Variants in NRG1 observed in about 807,000 individuals in gnomAD.
The protein encoded by NRG1 is neuregulin 1.
Under a neutral mutation model 63.8 loss-of-function variants are expected in NRG1, and 18 were observed. The observed-to-expected ratio is 0.28, with a 90% CI of 0.19 to 0.42. NRG1 has a LOEUF of 0.42. Ranked by LOEUF, NRG1 falls within the 10% of genes least tolerant of loss-of-function variation. The probability of loss-of-function intolerance (pLI) is 1.00; values close to 1 mark genes in which losing one functional copy is unlikely to be tolerated. For missense variants in NRG1, 762 were observed against 814.7 expected (o/e 0.94, Z 0.79); for synonymous variants, 302 against 301.3 (o/e 1.00, Z -0.02).
chr8:31,822,379 A>G (rs1824089014), intron 1 of NRG1, among the ~76,000 whole-genome samples: 1 of 152,044 alleles, frequency 6.6e-6, no homozygotes, highest in Non-Finnish European at 1.5e-5. Flanking sequence ...AGAGATGGTT[A>G]TGCTGACACT....
intron 1 of NRG1, among the ~76,000 whole-genome samples, chr8:32,373,053 C>T (rs1409343629): frequency 2.6e-5 from 4 of 151,900 alleles, no homozygotes; most frequent in Non-Finnish European, 4.4e-5. Flanking sequence ...TGACAAGCTG[C>T]GATAAGCCCT....
chr8:32,606,466 A>G (rs555120348), intron 3 of NRG1, among the ~76,000 whole-genome samples: 48 of 152,066 alleles, frequency 3.2e-4, no homozygotes, highest in Non-Finnish European at 6.3e-4. Context: ...GGTAAGAAAT[A>G]CAATCCACCT....
At chr8:31,999,110 C>T (rs1054743338) in intron 1 of NRG1, among the ~76,000 whole-genome samples, 1 of 151,278 alleles carries the variant, frequency 6.6e-6, no homozygotes, top group African/African-American at 2.4e-5. Context: ...AATGCACTGA[C>T]CTTCTGTAAA....
chr8:32,264,767 A>G (rs892418745), intron 1 of NRG1, among the ~76,000 whole-genome samples: 1 of 152,178 alleles, frequency 6.6e-6, no homozygotes, highest in Non-Finnish European at 1.5e-5. Context: ...ATGAATGAGA[A>G]AGAAATTACT....
intron 6 of NRG1, among the ~76,000 whole-genome samples, chr8:32,737,779 C>G (rs960573068): frequency 1.3e-5 from 2 of 149,648 alleles, no homozygotes; most frequent in Admixed American, 6.7e-5. Flanking sequence ...TGGGTTCAAG[C>G]GATTCTCCTG....
intron 1 of NRG1, among the ~76,000 whole-genome samples, chr8:31,999,956 T>C (rs1296737663): frequency 2.6e-5 from 4 of 151,990 alleles, no homozygotes; most frequent in Non-Finnish European, 5.9e-5. Context: ...GTATTATTTT[T>C]AAAACTGGAG....
At chr8:32,479,703 A>G (rs1484546462) in intron 1 of NRG1, among the ~76,000 whole-genome samples, 1 of 151,954 alleles carries the variant, frequency 6.6e-6, no homozygotes, top group Non-Finnish European at 1.5e-5. Context: ...AGTCTGGAGT[A>G]CAGTGGCGCG....
At chr8:32,659,166 A>G (rs1364951897) in intron 5 of NRG1, among the ~76,000 whole-genome samples, 1 of 128,468 alleles carries the variant, frequency 7.8e-6, no homozygotes, top group East Asian at 3.3e-4. Context: ...TTTTTTTGAG[A>G]CAGAGTCTTG....
intron 1 of NRG1, among the ~76,000 whole-genome samples, chr8:32,580,000 C>A (rs924000634): frequency 4.6e-5 from 7 of 152,212 alleles, no homozygotes; most frequent in African/African-American, 1.7e-4. Flanking sequence ...GGAAGATAAT[C>A]TCCTTTTAAA....
chr8:32,280,755 C>CT (rs1563265275), intron 1 of NRG1, among the ~76,000 whole-genome samples: 2 of 18,400 alleles, frequency 1.1e-4, no homozygotes, highest in African/African-American at 3.4e-4. Flanking sequence ...TTTGTCCTTT[C>CT]ATTTTTTTTT....
intron 1 of NRG1, among the ~76,000 whole-genome samples, chr8:32,583,839 T>A (rs557807652): frequency 3.3e-5 from 5 of 152,318 alleles, no homozygotes; most frequent in African/African-American, 1.2e-4. Context: ...AAGTAAGGTC[T>A]CCAGTGTAGC....
intron 5 of NRG1, among the ~76,000 whole-genome samples, chr8:32,690,222 T>A (rs563232786): frequency 6.6e-6 from 1 of 152,300 alleles, no homozygotes; most frequent in South Asian, 2.1e-4. Flanking sequence ...CTATTTTGTA[T>A]TTAAAACAGT....
At chr8:31,889,549 A>C (rs1830986181) in intron 1 of NRG1, among the ~76,000 whole-genome samples, 2 of 152,228 alleles carry the variant, frequency 1.3e-5, no homozygotes, top group Non-Finnish European at 2.9e-5. Flanking sequence ...GAGGGAACCC[A>C]GCTGGGCTCT....
chr8:31,696,612 C>T (rs1810091493), intron 1 of NRG1, among the ~76,000 whole-genome samples: 1 of 152,198 alleles, frequency 6.6e-6, no homozygotes, highest in African/African-American at 2.4e-5. Flanking sequence ...ATTATATAAT[C>T]CTAACAGCAA....
chr8:31,870,823 C>T (rs941621882), intron 1 of NRG1, among the ~76,000 whole-genome samples: 2 of 151,962 alleles, frequency 1.3e-5, no homozygotes, highest in Non-Finnish European at 2.9e-5. Context: ...TTCGAATGCA[C>T]CTCATGTGCA....
At chr8:32,459,829 G>A (rs528916453) in intron 1 of NRG1, among the ~76,000 whole-genome samples, 1 of 152,242 alleles carries the variant, frequency 6.6e-6, no homozygotes, top group East Asian at 1.9e-4. Context: ...CTTTGCAATT[G>A]CTATTTTCTA....
intron 1 of NRG1, among the ~76,000 whole-genome samples, chr8:32,103,922 C>G (rs1585313978): frequency 6.6e-6 from 1 of 152,090 alleles, no homozygotes; most frequent in East Asian, 1.9e-4. Flanking sequence ...ACCAGGCTTA[C>G]AGGGAGGATT....
chr8:32,127,021 A>G (rs1834158555), intron 1 of NRG1, among the ~76,000 whole-genome samples: 2 of 151,846 alleles, frequency 1.3e-5, no homozygotes, highest in South Asian at 2.1e-4. Context: ...TGAAAAGTTT[A>G]TGACTAGTTG....
At chr8:32,002,707 T>C (rs1284624236) in intron 1 of NRG1, among the ~76,000 whole-genome samples, 1 of 152,092 alleles carries the variant, frequency 6.6e-6, no homozygotes, top group Middle Eastern at 3.2e-3. Context: ...GGGGTGCCCT[T>C]GCTTCTAGAG....
Sources: gnomAD v4.1 joint callset for allele counts (sites outside exome capture counted in the v4.1 genomes callset) on GRCh38, gnomAD v4.1.1 for gene constraint, MANE v1.5 for transcripts, NCBI Gene and HGNC (gene_info 2026-07-23, HGNC 2026-07-21) for gene names.